The following TEX9 variants were observed in gnomAD, a reference collection of about 807,000 sequenced individuals.
TEX9 encodes the protein testis-expressed protein 9.
Under a neutral mutation model 59.6 loss-of-function variants are expected in TEX9, and 74 were observed. The ratio of observed to expected loss-of-function variants is 1.24; its 90% CI spans 1.03 to 1.51. The LOEUF (loss-of-function observed/expected upper bound fraction) is 1.51, where lower values mean the gene tolerates loss of function less well. TEX9 is among the 40% of genes most tolerant of loss of function. The pLI, the probability that TEX9 is intolerant of heterozygous loss-of-function variation, is 0.00. For synonymous variants in TEX9, 186 were observed against 152.2 expected (o/e 1.22, Z -1.64); for missense variants, 522 against 447.8 (o/e 1.17, Z -1.49).
At chr15:56,297,258 TAAAAACTAATATCTTAA>T (rs1485803753) in intron 1 of TEX9, among the ~76,000 whole-genome samples, 2 of 152,024 alleles carry the variant, frequency 1.3e-5, no homozygotes, top group African/African-American at 4.8e-5. Flanking sequence ...GCTAATGAAG[TAAAAACTAATATCTTAA>T]AAAATAGGGC....
chr15:56,264,780 T>C (rs551669647), intron 1 of TEX9, among the ~76,000 whole-genome samples: 1 of 152,364 alleles, frequency 6.6e-6, no homozygotes, highest in South Asian at 2.1e-4. Context: ...TTTTTGTGTA[T>C]GTTCTGAGGC....
chr15:56,356,488 T>C (rs926320313), intron 1 of TEX9, among the ~76,000 whole-genome samples: 1 of 152,148 alleles, frequency 6.6e-6, no homozygotes, highest in Non-Finnish European at 1.5e-5. Flanking sequence ...GTGTTTTTTT[T>C]CTTCCTAAAG....
At chr15:56,369,347 G>C (rs967618386) in intron 2 of TEX9, among the ~76,000 whole-genome samples, 1 of 145,992 alleles carries the variant, frequency 6.8e-6, no homozygotes, top group African/African-American at 2.5e-5. Flanking sequence ...ATGGCACCAT[G>C]CCATGCTAAT....
chr15:56,457,369 T>G, the TEX9 span, among the ~76,000 whole-genome samples: 1 of 152,018 alleles, frequency 6.6e-6, no homozygotes, highest in Non-Finnish European at 1.5e-5. Flanking sequence ...GAAATGCAAA[T>G]TAGAATTGCA....
intron 12 of TEX9, among the ~76,000 whole-genome samples, chr15:56,433,433 AT>A (rs1417923546): frequency 1.3e-5 from 2 of 152,142 alleles, no homozygotes; most frequent in African/African-American, 2.4e-5. Context: ...TATTAAAAAA[AT>A]AATTAAAAAG....
exon 11 of TEX9, chr15:56,427,716 A>C (rs2050375453): frequency 6.7e-7 from 1 of 1,494,250 alleles, no homozygotes; most frequent in South Asian, 1.4e-5. Flanking sequence ...GTTAAAATTA[A>C]TTGATGTTTT....
intron 12 of TEX9, chr15:56,431,647 A>T (rs141264677): frequency 2.1e-5 from 12 of 569,656 alleles, no homozygotes; most frequent in African/African-American, 1.8e-4. Context: ...ATATATTTTT[A>T]AAATATATAT....
At chr15:56,297,442 T>G (rs946407649) in intron 1 of TEX9, among the ~76,000 whole-genome samples, 1 of 152,168 alleles carries the variant, frequency 6.6e-6, no homozygotes, top group African/African-American at 2.4e-5. Context: ...TCTACAGAAT[T>G]TGACAATAAC....
At chr15:56,345,002 TTTAC>T (rs1427451955) in intron 1 of TEX9, among the ~76,000 whole-genome samples, 2 of 149,728 alleles carry the variant, frequency 1.3e-5, no homozygotes, top group Non-Finnish European at 3.0e-5. Flanking sequence ...TGTTTATTGA[TTTAC>T]TTACTAGTTT....
chr15:56,393,483 A>G (rs2048311979), intron 7 of TEX9, among the ~76,000 whole-genome samples: 1 of 152,128 alleles, frequency 6.6e-6, no homozygotes, highest in Non-Finnish European at 1.5e-5. Flanking sequence ...AAATTCCATG[A>G]TGGTAAGGGT....
intron 1 of TEX9, among the ~76,000 whole-genome samples, chr15:56,316,999 C>A (rs969389638): frequency 6.6e-6 from 1 of 152,232 alleles, no homozygotes; most frequent in Admixed American, 6.5e-5. Context: ...ATGCCTCGCC[C>A]TGCTTCTGCT....
chr15:56,343,569 C>G (rs2046411681), intron 1 of TEX9, among the ~76,000 whole-genome samples: 1 of 151,968 alleles, frequency 6.6e-6, no homozygotes, highest in Non-Finnish European at 1.5e-5. Context: ...TCACTATGAT[C>G]TTGTATTAAC....
upstream of TEX9, among the ~76,000 whole-genome samples, chr15:56,360,467 T>C (rs1189886943): frequency 6.6e-6 from 1 of 152,222 alleles, no homozygotes; most frequent in Non-Finnish European, 1.5e-5. Flanking sequence ...TTGGTCCATT[T>C]CATCTAATTT....
At chr15:56,288,169 C>T (rs1307991735) in intron 1 of TEX9, among the ~76,000 whole-genome samples, 1 of 152,168 alleles carries the variant, frequency 6.6e-6, no homozygotes, top group Non-Finnish European at 1.5e-5. Flanking sequence ...TCCCTTTTCT[C>T]CACATTCTTG....
chr15:56,424,499 G>C (rs2050146661), intron 10 of TEX9, among the ~76,000 whole-genome samples: 3 of 151,954 alleles, frequency 2.0e-5, no homozygotes, highest in African/African-American at 7.2e-5. Flanking sequence ...AAAGTTTTTG[G>C]GAGGTCTGTT....
At chr15:56,412,661 T>G (rs557024445) in intron 10 of TEX9, among the ~76,000 whole-genome samples, 6 of 152,210 alleles carry the variant, frequency 3.9e-5, no homozygotes, top group Non-Finnish European at 8.8e-5. Context: ...GGAAGATTGA[T>G]TTCTTCAACC....
At chr15:56,309,668 TCTGGGC>T (rs1416409643) in intron 1 of TEX9, among the ~76,000 whole-genome samples, 2 of 146,696 alleles carry the variant, frequency 1.4e-5, no homozygotes, top group East Asian at 4.2e-4. Flanking sequence ...TGGTAAAGCA[TCTGGGC>T]CTGGGATTTT....
chr15:56,363,496 A>G (rs1169962355), upstream of TEX9, among the ~76,000 whole-genome samples: 1 of 151,910 alleles, frequency 6.6e-6, no homozygotes, highest in Non-Finnish European at 1.5e-5. Flanking sequence ...TCGCCATTCT[A>G]GTGGGTGTCA....
At chr15:56,253,873 G>A (rs572390352) in intron 1 of TEX9, among the ~76,000 whole-genome samples, 1 of 152,064 alleles carries the variant, frequency 6.6e-6, no homozygotes, top group African/African-American at 2.4e-5. Context: ...TGTTGTTAAA[G>A]GCAAGTGACT....
Sources: allele counts gnomAD v4.1 joint callset (sites outside exome capture counted in the v4.1 genomes callset), GRCh38; gene constraint gnomAD v4.1.1; transcripts MANE v1.5; gene names NCBI Gene and HGNC (gene_info 2026-07-23, HGNC 2026-07-21).